Variants in NBPF3 observed in about 807,000 individuals in gnomAD.
NBPF3 encodes NBPF family member NBPF3.
NBPF3 carries 57 observed loss-of-function variants against 78.1 expected under a neutral mutation model. The observed-to-expected ratio is 0.73, with a 90% CI of 0.59 to 0.91. The LOEUF is 0.91. Ranked by LOEUF, NBPF3 falls within the 40% of genes least tolerant of loss-of-function variation. The pLI is 0.00. For synonymous variants in NBPF3, 182 were observed against 271.7 expected, an observed-to-expected ratio of 0.67 and a Z score of 3.25; for missense variants, 510 against 715.3, an observed-to-expected ratio of 0.71 and a Z score of 3.27.
chr1:21,452,524 C>A (rs1364423228), intron 2 of NBPF3, among the ~76,000 whole-genome samples: 1 of 152,214 alleles, frequency 6.6e-6, no homozygotes, highest in Non-Finnish European at 1.5e-5. Flanking sequence ...AGAAATGGGC[C>A]TGCCTGCTGT....
At position 21,443,314 on chromosome 1, in the gene NBPF3, A is replaced by G. The variant is rs550734207; in HGVS notation, c.-139-1634A>G. On this transcript the variant is annotated intron_variant, in intron 1 of 14. Coordinates refer to ENST00000318249, the MANE Select transcript of NBPF3 (RefSeq NM_032264.6). ...TGTGTTGGGCGTTCAGGCAAAATGT[A>G]TTAAGTGAATTATATGGTGTTCAGA... 1.9e-4 allele frequency among the ~76,000 whole-genome samples: 29 copies of G among 152,336 alleles called. No homozygotes were observed. The South Asian group carries it at 6.0e-3, about 32-fold the overall frequency.
Position 21,473,551 on chromosome 1 carries a change from T to A in NBPF3, c.906T>A (p.His302Gln), listed in dbSNP as rs1194432925. 1.9e-6 allele frequency: 3 copies of A among 1,614,202 alleles called. No individual in the cohort carries two copies. The highest frequency in any genetic ancestry group is 3.3e-5 in the Admixed American group (2 of 60,034). ...CAACTCTCATTGACTCATCCTCTCA[T>A]GATGAATGGTTGGATGCTGTATGCA... is the stretch of plus-strand genomic sequence containing the variant. ...VDSTLIDSSS[H>Q]DEWLDAVCII... Residue 302 changes from histidine to glutamine, a missense_variant, in exon 7 of 15, where the codon CAT becomes CAA. Coordinates refer to ENST00000318249, the MANE Select transcript of NBPF3 (RefSeq NM_032264.6).
Position 21,468,749 on chromosome 1 carries a change from CGGTGAGAA to C in NBPF3, c.198_205del (p.Glu67ArgfsTer44), listed in dbSNP as rs780625191. ...TGGTGGTATCTGCCGGCCCTTGGTC[CGGTGAGAA>C]GGCAGAGATGAACATTCTAGAAATC... On this transcript the variant is annotated frameshift_variant, in exon 3 of 15. Transcript: ENST00000318249. LOFTEE classifies it high-confidence loss of function. The C allele has an allele frequency of 1.8e-5, 29 of 1,613,598 alleles. No individual in the cohort carries two copies. The highest frequency in any genetic ancestry group is 5.1e-6 in the Non-Finnish European group (6 of 1,179,664).
chr1:21,477,297 C>T (rs568145711), intron 8 of NBPF3, among the ~76,000 whole-genome samples: 53 of 152,324 alleles, frequency 3.5e-4, no homozygotes, highest in African/African-American at 1.1e-3. Context: ...AGTTATTCTC[C>T]GTCCTGCTTT....
Position 21,460,445 on chromosome 1 carries a change from G to A in NBPF3, c.134-8243G>A, listed in dbSNP as rs12563420. Reference sequence around the variant, plus strand: ...TGTGTCCAAGTGTTCTCATTGTTCAGTTCCCATCCATGAGTGAGAACGTGC... The same window carrying A: ...TGTGTCCAAGTGTTCTCATTGTTCAATTCCCATCCATGAGTGAGAACGTGC... On this transcript the variant is annotated intron_variant, in intron 2 of 14. Coordinates refer to ENST00000318249, the MANE Select transcript of NBPF3 (RefSeq NM_032264.6). The surrounding 1 kb of genome is among the most constrained non-coding windows in gnomAD (Gnocchi z 4.2). Among the ~76,000 whole-genome samples the A allele has an allele frequency of 0.21, 32,490 of 152,038 alleles. 3,681 individuals are homozygous for A. Among genetic ancestry groups the A allele is most frequent in the South Asian group, 0.39 (1,880 of 4,810 alleles).
chr1:21,480,147 T>C lies in NBPF3; in HGVS notation c.1305T>C (p.Pro435=). The C allele has an allele frequency of 1.7e-6, 2 of 1,187,310 alleles. 1 individual carries two copies. 73.5% of individuals were successfully genotyped at this position (1,187,310 alleles called of 1,614,324 possible). ...YSTPFEYLEL[P]DLCQPYRSDF... ...CTCCTTTTGAGTACCTGGAACTGCC[T>C]GACTTATGCCAGCCCTACAGAAGTG... The change falls in exon 11 of 15, where the codon CCT becomes CCC. Residue 435 remains proline (P), a synonymous_variant. Coordinates refer to ENST00000318249, the MANE Select transcript of NBPF3 (RefSeq NM_032264.6).
At chr1:21,449,018 T>G (rs1345891481) in intron 2 of NBPF3, among the ~76,000 whole-genome samples, 1 of 152,194 alleles carries the variant, frequency 6.6e-6, no homozygotes, top group Non-Finnish European at 1.5e-5. Context: ...CTCAATGACT[T>G]AAGGTGATAT....
At chr1:21,468,644 C>T in intron 2 of NBPF3, 44 bp from the exon 3 acceptor site, 1 of 1,611,910 alleles carries the variant, frequency 6.2e-7, no homozygotes, top group Non-Finnish European at 8.5e-7. Flanking sequence ...TATTTGATTT[C>T]ACCAGTTTTT....
At position 21,471,765 on chromosome 1, in the gene NBPF3, G is replaced by T. The variant is rs764106342; in HGVS notation, c.643G>T (p.Val215Phe). ...GGGATGTAGGCTGGCACAGCACCTC[G>T]TCCAAAAGCTCAGCCCAGGTGAGGT... ...AEGCRLAQHLVQKLSPENDDD... is the reference protein window; with the variant it reads ...AEGCRLAQHLFQKLSPENDDD... Residue 215 changes from valine (V) to phenylalanine (F), a missense_variant, in exon 5 of 15, where the codon GTC becomes TTC. By Grantham distance (50) the Val-to-Phe change is conservative. Around this residue, in one of 5 missense-constraint regions of NBPF3, gnomAD observed 440 missense variants for 478.2 expected, o/e 0.92. Coordinates refer to ENST00000318249, the MANE Select transcript of NBPF3 (RefSeq NM_032264.6). 10 of 1,612,672 alleles carry T rather than the reference G, an allele frequency of 6.2e-6. No homozygotes were observed. Among genetic ancestry groups the T allele is most frequent in the African/African-American group, 1.3e-5 (1 of 74,720 alleles).
intron 2 of NBPF3, chr1:21,451,894 G>A: frequency 1.0e-6 from 1 of 967,528 alleles, no homozygotes; most frequent in Non-Finnish European, 1.2e-6. Flanking sequence ...GATCAAATGT[G>A]AGCCTATGGA....
chr1:21,477,067 T>C (rs1642923525), intron 8 of NBPF3, among the ~76,000 whole-genome samples: 1 of 152,208 alleles, frequency 6.6e-6, no homozygotes, highest in African/African-American at 2.4e-5. Flanking sequence ...CTTGATCGAA[T>C]CGGCTACTGA....
intron 2 of NBPF3, 31 bp from the exon 3 acceptor site, chr1:21,468,657 C>T: frequency 1.2e-6 from 2 of 1,612,318 alleles, no homozygotes; most frequent in South Asian, 1.1e-5. Flanking sequence ...CAGTTTTTAA[C>T]CCATCGTGTG....
Position 21,479,820 on chromosome 1 carries a change from C to CTGTGTGTG in NBPF3, c.1209-205_1209-198dup, listed in dbSNP as rs59451117. ...TCTCTCTCTCTCTCTCTCTCTCTCT[C>CTGTGTGTG]TGTGTGTGTGTGTGTGTGTGTGTGT... On this transcript the variant is annotated intron_variant, in intron 10 of 14. Transcript: ENST00000318249. Among the ~76,000 whole-genome samples, 262 of 102,876 alleles carry CTGTGTGTG rather than the reference C, an allele frequency of 2.5e-3. 4 individuals carry two copies. Among genetic ancestry groups the CTGTGTGTG allele is most frequent in the African/African-American group, 6.0e-3 (179 of 29,770 alleles). 67.5% of individuals were successfully genotyped at this position (102,876 alleles called of 152,430 possible).
rs755369508 is a variant in NBPF3, at chr1:21,471,799, G to A, written c.661+16G>A. On this transcript the variant is annotated intron_variant, in intron 5 of 14. Transcript: ENST00000318249. ...CTCAGCCCAGGTGAGGTGGCCATAGGCCCTGATGACCCAAAACCCCAGGCT... is the reference window on the plus strand; with the variant it reads ...CTCAGCCCAGGTGAGGTGGCCATAGACCCTGATGACCCAAAACCCCAGGCT... 7 of 1,612,098 alleles carry A rather than the reference G, an allele frequency of 4.3e-6. No homozygotes were observed. The African/African-American group carries it at 6.7e-5, about 15-fold the overall frequency.
At chr1:21,481,353 A>G (rs1643214334) in intron 12 of NBPF3, among the ~76,000 whole-genome samples, 1 of 144,236 alleles carries the variant, frequency 6.9e-6, no homozygotes, top group African/African-American at 2.5e-5. Context: ...TGTCACCTGG[A>G]CAATTCAGTG....
At chr1:21,437,536 C>T, upstream of NBPF3, 1 of 1,359,728 alleles carries the variant, frequency 7.4e-7, no homozygotes, top group Non-Finnish European at 9.9e-7. Flanking sequence ...TGAGCAGGTG[C>T]TGGGGAGGTC....
At position 21,483,012 on chromosome 1, in the gene NBPF3, T is replaced by C. The variant is rs1256353761; in HGVS notation, c.1659-131T>C. On this transcript the variant is annotated intron_variant, in intron 14 of 14. Transcript: ENST00000318249. ...CTATCCCAACATAAAGGCAATAATT[T>C]TTTTACCTCATTAATGGAACTATCC... The C allele has an allele frequency of 3.8e-5, 36 of 951,118 alleles. 1 individual carries two copies. Among genetic ancestry groups the C allele is most frequent in the Non-Finnish European group, 4.9e-5 (33 of 674,930 alleles). The allele number at this position is 951,118 out of a possible 1,614,324, so 58.9% of individuals were successfully genotyped here.
At chr1:21,469,509 G>A (rs375813921) in intron 3 of NBPF3, among the ~76,000 whole-genome samples, 4 of 152,094 alleles carry the variant, frequency 2.6e-5, no homozygotes, top group South Asian at 2.1e-4. Context: ...GGTAGAGCAC[G>A]AGGTCAGGAG....
Position 21,465,223 on chromosome 1 carries a change from CTG to C in NBPF3, c.134-3460_134-3459del, listed in dbSNP as rs1221952200. On this transcript the variant is annotated intron_variant, in intron 2 of 14. Transcript: ENST00000318249. Reference sequence around the variant, plus strand: ...GGGGAACTTGGGCAAGTTACAGACTCTGTGTGCCTCCATTTCTTCATCAGCAA... The same window carrying C: ...GGGGAACTTGGGCAAGTTACAGACTCTGTGCCTCCATTTCTTCATCAGCAA... Among the ~76,000 whole-genome samples, 87 of 152,352 alleles carry C rather than the reference CTG, an allele frequency of 5.7e-4. No homozygotes were observed. The Middle Eastern group carries it at 0.014, about 24-fold the overall frequency.
Sources: allele counts gnomAD v4.1 joint callset (sites outside exome capture counted in the v4.1 genomes callset), GRCh38; gene constraint gnomAD v4.1.1; regional missense constraint gnomAD v4.1.1; non-coding constraint Gnocchi (gnomAD v3.1); transcripts MANE v1.5; gene names NCBI Gene and HGNC (gene_info 2026-07-23, HGNC 2026-07-21).